ADAM22: variants seen among roughly 807,000 people sequenced by gnomAD.
ADAM22 encodes disintegrin and metalloproteinase domain-containing protein 22.
Under a neutral mutation model 144.6 loss-of-function variants are expected in ADAM22, and 65 were observed. The observed-to-expected ratio is 0.45, with a 90% CI of 0.37 to 0.55. ADAM22 has a LOEUF of 0.55. ADAM22 is among the 20% of genes least tolerant of loss of function. The pLI, the probability that ADAM22 is intolerant of heterozygous loss-of-function variation, is 0.00. For missense variants in ADAM22, 974 were observed against 1,184.9 expected (o/e 0.82, Z 2.61); for synonymous variants, 391 against 412.6 (o/e 0.95, Z 0.63).
rs116288808 is a variant in ADAM22, at chr7:88,084,925, G to T, written c.390+9233G>T. ...GGCCTCTCTCCTTGGTTTGTGCATG[G>T]TTTTCTTCCTGTGTCTTCACATGGC... On this transcript the variant is annotated intron_variant, in intron 4 of 31. Coordinates refer to ENST00000413139, the MANE Select transcript of ADAM22 (RefSeq NM_001324418.2). 2.9e-3 allele frequency among the ~76,000 whole-genome samples: 447 copies of T among 152,226 alleles called. 2 individuals carry two copies. The highest frequency in any genetic ancestry group is 0.01 in the African/African-American group (432 of 41,546).
intron 3 of ADAM22, among the ~76,000 whole-genome samples, chr7:88,062,471 A>C (rs1810159176): frequency 6.6e-6 from 1 of 152,168 alleles, no homozygotes; most frequent in Non-Finnish European, 1.5e-5. Context: ...TTAGGGCCTT[A>C]TTCTGGGTTA....
intron 3 of ADAM22, among the ~76,000 whole-genome samples, chr7:88,011,483 T>C (rs1369273432): frequency 6.8e-6 from 1 of 147,570 alleles, no homozygotes; most frequent in Non-Finnish European, 1.5e-5. Context: ...GAGCTTGCAG[T>C]GAGCCGAGAT....
chr7:88,141,990 T>G (rs968729934), intron 14 of ADAM22, among the ~76,000 whole-genome samples: 1 of 152,208 alleles, frequency 6.6e-6, no homozygotes, highest in Non-Finnish European at 1.5e-5. Context: ...AATTATTCTC[T>G]AATCAAGATC....
chr7:88,181,947 G>A lies in ADAM22; in HGVS notation c.2597-11G>A, dbSNP rs376036936. 77 of 1,612,026 alleles carry A rather than the reference G, an allele frequency of 4.8e-5. No homozygotes were observed. In the African/African-American group the frequency reaches 5.6e-4, roughly 12 times the overall value. The stretch of plus-strand genomic sequence containing the variant: ...TTACATGGAAATCTAGCTCTAAACC[G>A]TCTTTTTCAGGTAACCTGGGAGGCA... On this transcript the variant is annotated splice_polypyrimidine_tract_variant and intron_variant, in intron 28 of 31. Transcript: ENST00000413139.
intron 9 of ADAM22, among the ~76,000 whole-genome samples, chr7:88,129,743 A>G (rs934651174): frequency 1.9e-4 from 29 of 152,128 alleles, no homozygotes; most frequent in African/African-American, 6.8e-4. Flanking sequence ...TGAATGGTGC[A>G]TGGCCTGTCT....
intron 2 of ADAM22, among the ~76,000 whole-genome samples, chr7:87,973,366 T>C (rs1289301969): frequency 6.6e-6 from 1 of 151,238 alleles, no homozygotes; most frequent in Non-Finnish European, 1.5e-5. Flanking sequence ...ATCAGAGAAA[T>C]GCAAATCAAA....
At chr7:88,110,595 C>T (rs979557131) in intron 5 of ADAM22, among the ~76,000 whole-genome samples, 3 of 151,488 alleles carry the variant, frequency 2.0e-5, no homozygotes, top group Non-Finnish European at 2.9e-5. Context: ...GGCACGGTGG[C>T]TCACCCCTGT....
At chr7:88,134,256 G>T in intron 12 of ADAM22, 73 bp from the exon 13 acceptor site, 1 of 1,164,150 alleles carries the variant, frequency 8.6e-7, no homozygotes, top group South Asian at 1.4e-5. Context: ...GCGATATTGT[G>T]ACATTTTTCT....
At chr7:88,062,556 TA>T (rs960873969) in intron 3 of ADAM22, among the ~76,000 whole-genome samples, 1 of 152,228 alleles carries the variant, frequency 6.6e-6, no homozygotes, top group Admixed American at 6.5e-5. Context: ...ATATCAGCAA[TA>T]AGGCTGTTTT....
chr7:87,963,782 T>A lies in ADAM22; in HGVS notation c.247-14554T>A, dbSNP rs186974936. Among the ~76,000 whole-genome samples, 7 of 152,356 alleles carry A rather than the reference T, an allele frequency of 4.6e-5. No homozygotes were observed. The East Asian group carries it at 1.4e-3, about 29-fold the overall frequency. Reference sequence around the variant, plus strand: ...GCTCCAGAGCTCCACCATCCTGTGATGGCTCCTTGTAATTTTATTCATCTT... The same window carrying A: ...GCTCCAGAGCTCCACCATCCTGTGAAGGCTCCTTGTAATTTTATTCATCTT... On this transcript the variant is annotated intron_variant, in intron 2 of 31. Coordinates refer to ENST00000413139, the MANE Select transcript of ADAM22 (RefSeq NM_001324418.2).
intron 3 of ADAM22, among the ~76,000 whole-genome samples, chr7:87,989,224 T>C (rs1369990551): frequency 6.6e-6 from 1 of 152,208 alleles, no homozygotes; most frequent in African/African-American, 2.4e-5. Flanking sequence ...CATTATTTCT[T>C]AGATATAAAC....
chr7:88,050,808 T>G (rs942158258), intron 3 of ADAM22, among the ~76,000 whole-genome samples: 7 of 152,240 alleles, frequency 4.6e-5, no homozygotes, highest in Non-Finnish European at 1.0e-4. Context: ...ATTCTGTAGG[T>G]TGCCTGTTCA....
intron 3 of ADAM22, among the ~76,000 whole-genome samples, chr7:88,059,115 C>G (rs1388318237): frequency 6.6e-6 from 1 of 152,136 alleles, no homozygotes; most frequent in Non-Finnish European, 1.5e-5. Flanking sequence ...TTTATGCTGT[C>G]CAACCAGGAG....
chr7:88,033,266 G>A (rs918454366), intron 3 of ADAM22, among the ~76,000 whole-genome samples: 15 of 152,250 alleles, frequency 9.9e-5, no homozygotes, highest in South Asian at 8.3e-4. Flanking sequence ...GACACCCCAA[G>A]CCCAGTAATG....
chr7:88,174,031 T>G (rs142723892), intron 26 of ADAM22, among the ~76,000 whole-genome samples: 1 of 152,240 alleles, frequency 6.6e-6, no homozygotes, highest in East Asian at 1.9e-4. Flanking sequence ...CAAGACCTAA[T>G]AAGTATAATA....
intron 22 of ADAM22, among the ~76,000 whole-genome samples, chr7:88,161,204 A>C (rs986619176): frequency 1.3e-5 from 2 of 151,598 alleles, no homozygotes; most frequent in Non-Finnish European, 2.9e-5. Flanking sequence ...AAAAAAAAAA[A>C]AACAAGTAAT....
intron 3 of ADAM22, among the ~76,000 whole-genome samples, chr7:88,004,907 G>A (rs555534447): frequency 1.3e-5 from 2 of 152,128 alleles, no homozygotes; most frequent in East Asian, 3.9e-4. Context: ...TGATGGAGAG[G>A]GTCTTGATTT....
chr7:87,945,570 T>C (rs2131319275), intron 2 of ADAM22, among the ~76,000 whole-genome samples: 1 of 151,462 alleles, frequency 6.6e-6, no homozygotes, highest in African/African-American at 2.4e-5. Context: ...TGGAGTGCAG[T>C]GGTGCCATCT....
At chr7:87,944,589 G>C (rs1025064175) in intron 2 of ADAM22, among the ~76,000 whole-genome samples, 51 of 152,144 alleles carry the variant, frequency 3.4e-4, no homozygotes, top group African/African-American at 1.2e-3. Flanking sequence ...CCTGAGGAAT[G>C]ATCTAGGATC....
Sources: allele counts gnomAD v4.1 joint callset (sites outside exome capture counted in the v4.1 genomes callset), GRCh38; gene constraint gnomAD v4.1.1; transcripts MANE v1.5; gene names NCBI Gene and HGNC (gene_info 2026-07-23, HGNC 2026-07-21).